PECAM1: variants seen among roughly 807,000 people sequenced by gnomAD.
The protein encoded by PECAM1 is platelet endothelial cell adhesion molecule.
A neutral mutation model predicts 13.8 loss-of-function variants in PECAM1; 8 were observed. The ratio of observed to expected loss-of-function variants is 0.58; its 90% CI spans 0.34 to 1.05. PECAM1 has a LOEUF of 1.05. Among genes scored for constraint, PECAM1 ranks in the 50% least tolerant of loss-of-function variants. The pLI is 0.03. For synonymous variants in PECAM1, 136 were observed against 52.6 expected (o/e 2.58, Z -6.86); for missense variants, 304 against 141.2 (o/e 2.15, Z -5.84).
chr17:64,349,101 GGAACAGGGGTCACTACCCTAAAAAT>G (rs1255860945), intron 12 of PECAM1, among the ~76,000 whole-genome samples: 1 of 152,158 alleles, frequency 6.6e-6, no homozygotes, highest in African/African-American at 2.4e-5. Flanking sequence ...CGGGAAATGG[GGAACAGGGGTCACTACCCTAAAAAT>G]ACTTGGAGAG....
At chr17:64,343,789 C>A (rs913951786) in intron 13 of PECAM1, among the ~76,000 whole-genome samples, 146 of 152,328 alleles carry the variant, frequency 9.6e-4, no homozygotes, top group Middle Eastern at 3.4e-3. Flanking sequence ...TGCCCACACA[C>A]CCCTCACTCT....
At chr17:64,326,571 A>T (rs552821317) in intron 15 of PECAM1, among the ~76,000 whole-genome samples, 1 of 152,068 alleles carries the variant, frequency 6.6e-6, no homozygotes, top group South Asian at 2.1e-4. Flanking sequence ...GATGGGGGAG[A>T]CATGACTCTG....
Position 64,360,928 on chromosome 17 carries a change from C to G in PECAM1, c.1217-513G>C, listed in dbSNP as rs951718096. ...CTCACTACAACCTCCCAGAATCAAG[C>G]AATCCTCCTACCTCAGCCTCCCGAG... On this transcript the variant is annotated intron_variant, in intron 6 of 15. Coordinates refer to ENST00000563924, the MANE Select transcript of PECAM1 (RefSeq NM_000442.5). 3.3e-4 allele frequency among the ~76,000 whole-genome samples: 50 copies of G among 150,610 alleles called. 1 individual carries two copies. The East Asian group carries it at 7.9e-3, about 24-fold the overall frequency.
chr17:64,350,729 C>G lies in PECAM1; in HGVS notation c.1991-296G>C, dbSNP rs1424351492. The stretch of plus-strand genomic sequence containing the variant: ...CGATCCCGGCTCACTGCAGCCTCCT[C>G]CTCCCAGATTCCAGCGATTCTCCTA... On this transcript the variant is annotated intron_variant, in intron 11 of 15. Coordinates refer to ENST00000563924, the MANE Select transcript of PECAM1 (RefSeq NM_000442.5). Among the ~76,000 whole-genome samples, 4 of 151,462 alleles carry G rather than the reference C, an allele frequency of 2.6e-5. No homozygotes were observed. The South Asian group carries it at 8.4e-4, about 32-fold the overall frequency.
chr17:64,347,635 ATATAAAATAT>A (rs2035607759), intron 13 of PECAM1, among the ~76,000 whole-genome samples: 1 of 142,426 alleles, frequency 7.0e-6, no homozygotes, highest in African/African-American at 2.5e-5. Context: ...AAATAAAAAT[ATATAAAATAT>A]TATAAAATAT....
intron 10 of PECAM1, among the ~76,000 whole-genome samples, chr17:64,352,800 A>G (rs1027848318): frequency 2.6e-5 from 4 of 151,918 alleles, no homozygotes. Flanking sequence ...GATTACAGGC[A>G]TGCACCACCA....
intron 14 of PECAM1, among the ~76,000 whole-genome samples, chr17:64,341,206 G>A (rs990309916): frequency 1.3e-5 from 2 of 151,904 alleles, no homozygotes; most frequent in Non-Finnish European, 2.9e-5. Flanking sequence ...GGAGGTTGCA[G>A]TGAGTCGAGA....
rs1284783810 is a variant in PECAM1, at chr17:64,323,805, G to T, written c.*11C>A. ...GATGTCCTTCCAGGGATGTGCATCT[G>T]GCCTTGCTGTCTAAGTTCCATCAAG... On this transcript the variant is annotated 3_prime_UTR_variant, in exon 16 of 16. Transcript: ENST00000563924. 1.1e-6 allele frequency: 1 copy of T among 926,008 alleles called. No individual in the cohort carries two copies. The highest frequency in any genetic ancestry group is 1.8e-6 in the Non-Finnish European group (1 of 551,248). 57.4% of individuals were successfully genotyped at this position (926,008 alleles called of 1,614,324 possible).
intron 13 of PECAM1, among the ~76,000 whole-genome samples, chr17:64,343,249 C>T (rs2035478967): frequency 6.6e-6 from 1 of 152,000 alleles, no homozygotes; most frequent in Admixed American, 6.6e-5. Flanking sequence ...GCTCCAGGGA[C>T]ACCCCACTCT....
chr17:64,356,171 C>A lies in PECAM1; in HGVS notation c.1720G>T (p.Ala574Ser), dbSNP rs2035841625. Residue 574 changes from alanine (A) to serine (S), a missense_variant, in exon 8 of 16, where the codon GCC (alanine) becomes TCC (serine). Coordinates refer to ENST00000563924, the MANE Select transcript of PECAM1 (RefSeq NM_000442.5). ...KEQEGEYYCT[A>S]FNRANHASSV... The stretch of plus-strand genomic sequence containing the variant: ...GAGGCGTGGTTGGCTCTGTTGAAGG[C>A]TGTGCAGTAATACTCTCCCTCCTGT... 3 of 475,038 alleles carry A rather than the reference C, an allele frequency of 6.3e-6. No homozygotes were observed. Among genetic ancestry groups the A allele is most frequent in the Admixed American group, 3.2e-5 (1 of 31,650 alleles). The allele number at this position is 475,038 out of a possible 1,614,324, so 29.4% of individuals were successfully genotyped here.
chr17:64,356,655 TTTG>T (rs1186797305), intron 7 of PECAM1, among the ~76,000 whole-genome samples: 4 of 151,984 alleles, frequency 2.6e-5, no homozygotes, highest in Admixed American at 6.6e-5. Context: ...TTTGGATTTT[TTTG>T]TTGTTGTTGT....
chr17:64,323,906 G>C (rs546466331), intron 15 of PECAM1, 61 bp from the exon 16 acceptor site: 1 of 789,994 alleles, frequency 1.3e-6, no homozygotes, highest in Non-Finnish European at 2.3e-6. Flanking sequence ...AGATTGCCCT[G>C]GTGGAGAGAA....
At chr17:64,389,587 T>C (rs1309821210) in intron 2 of PECAM1, among the ~76,000 whole-genome samples, 1 of 152,222 alleles carries the variant, frequency 6.6e-6, no homozygotes, top group Non-Finnish European at 1.5e-5. Flanking sequence ...TGTCTTCATA[T>C]GTCTAACAAA....
intron 7 of PECAM1, among the ~76,000 whole-genome samples, chr17:64,358,776 G>A (rs2143804074): frequency 1.3e-5 from 2 of 151,998 alleles, no homozygotes; most frequent in East Asian, 1.9e-4. Context: ...CACACCATTA[G>A]GTGCTTAGTC....
At chr17:64,376,279 T>A (rs955211344) in intron 3 of PECAM1, among the ~76,000 whole-genome samples, 6 of 151,628 alleles carry the variant, frequency 4.0e-5, no homozygotes, top group South Asian at 4.2e-4. Flanking sequence ...CCCTCCAGCC[T>A]GGGCAACAGA....
At chr17:64,325,356 C>T (rs1455508899) in intron 15 of PECAM1, among the ~76,000 whole-genome samples, 2 of 152,026 alleles carry the variant, frequency 1.3e-5, no homozygotes, top group Admixed American at 1.3e-4. Context: ...CCACTGCACT[C>T]CAACCTGGGC....
At position 64,322,133 on chromosome 17, in the gene PECAM1, G is replaced by A. The variant is rs1395052057; in HGVS notation, c.*1683C>T. ...GCCTGCAATCCCAACCCAAAGGCCT[G>A]TGGAGCACACATGAGGACAAGGCGG... On this transcript the variant is annotated 3_prime_UTR_variant, in exon 16 of 16. Transcript: ENST00000563924. 2 of 1,034,162 alleles carry A rather than the reference G, an allele frequency of 1.9e-6. No homozygotes were observed. The highest frequency in any genetic ancestry group is 8.0e-5 in the East Asian group (1 of 12,492). 64.1% of individuals were successfully genotyped at this position (1,034,162 alleles called of 1,614,324 possible). A position where few individuals can be genotyped will look rare whatever the true frequency, so the allele number is the denominator to read the frequency against.
At position 64,346,984 on chromosome 17, in the gene PECAM1, G is replaced by C. The variant is rs1228528058; in HGVS notation, c.2107+1276C>G. Among the ~76,000 whole-genome samples, 14 of 152,306 alleles carry C rather than the reference G, an allele frequency of 9.2e-5. No homozygotes were observed. In the South Asian group the frequency reaches 2.7e-3, roughly 29 times the overall value. On this transcript the variant is annotated intron_variant, in intron 13 of 15. Transcript: ENST00000563924. Reference sequence around the variant, plus strand: ...GGGTTTGGCAGGGGGTCTACCTCTGGAAGGGACAAATTGCTCAGTACTTCC... The same window carrying C: ...GGGTTTGGCAGGGGGTCTACCTCTGCAAGGGACAAATTGCTCAGTACTTCC...
Position 64,322,107 on chromosome 17 carries a change from C to T in PECAM1, c.*1709G>A, listed in dbSNP as rs967038976. 3.3e-5 allele frequency: 36 copies of T among 1,089,244 alleles called. No individual in the cohort carries two copies. Among genetic ancestry groups the T allele is most frequent in the Middle Eastern group, 3.2e-4 (1 of 3,078 alleles). 67.5% of individuals were successfully genotyped at this position (1,089,244 alleles called of 1,614,324 possible). A position where few individuals can be genotyped will look rare whatever the true frequency, so the allele number is the denominator to read the frequency against. On this transcript the variant is annotated 3_prime_UTR_variant, in exon 16 of 16. Coordinates refer to ENST00000563924, the MANE Select transcript of PECAM1 (RefSeq NM_000442.5). The stretch of plus-strand genomic sequence containing the variant: ...AGTCTAGGCTGGGCATGGTGGCTCA[C>T]GCCTGCAATCCCAACCCAAAGGCCT...
Sources: allele counts gnomAD v4.1 joint callset (sites outside exome capture counted in the v4.1 genomes callset), GRCh38; gene constraint gnomAD v4.1.1; transcripts MANE v1.5; gene names NCBI Gene and HGNC (gene_info 2026-07-23, HGNC 2026-07-21).